The following COL4A4 variants were observed in gnomAD, a reference collection of about 807,000 sequenced individuals.
The protein encoded by COL4A4 is collagen type IV alpha 4 chain, also known as collagen alpha-4(IV) chain.
COL4A4 carries 105 observed loss-of-function variants against 192.9 expected under a neutral mutation model. The observed-to-expected ratio is 0.54, with a 90% CI of 0.46 to 0.64. The LOEUF (loss-of-function observed/expected upper bound fraction) is 0.64. Among genes scored for constraint, COL4A4 ranks in the 30% least tolerant of loss-of-function variants. The pLI is 0.00. For synonymous variants in COL4A4, 762 were observed against 769.9 expected, an observed-to-expected ratio of 0.99 and a Z score of 0.17; for missense variants, 1,967 against 2,169.3, an observed-to-expected ratio of 0.91 and a Z score of 1.85.
chr2:227,038,927 G>A (rs975952653), intron 37 of COL4A4, among the ~76,000 whole-genome samples: 1 of 152,170 alleles, frequency 6.6e-6, no homozygotes, highest in Non-Finnish European at 1.5e-5. Flanking sequence ...TTTGTTTTGT[G>A]TTGTGGTTTT....
At chr2:226,975,665 A>C in the COL4A4 span, among the ~76,000 whole-genome samples, 360 of 152,350 alleles carry the variant, frequency 2.4e-3, 1 homozygote, top group Non-Finnish European at 4.1e-3. Context: ...TTATTTCTAC[A>C]TGCAGAAGGA....
chr2:226,986,945 C>T, the COL4A4 span, among the ~76,000 whole-genome samples: 9 of 152,214 alleles, frequency 5.9e-5, no homozygotes, highest in Middle Eastern at 6.8e-3. Context: ...CATCAGTGAT[C>T]GACTGGATAA....
At chr2:226,972,451 C>G in the COL4A4 span, among the ~76,000 whole-genome samples, 1 of 152,104 alleles carries the variant, frequency 6.6e-6, no homozygotes, top group Non-Finnish European at 1.5e-5. Context: ...CTGCTATGCC[C>G]CCTGGAAAAA....
intron 24 of COL4A4, among the ~76,000 whole-genome samples, chr2:227,080,040 C>G (rs536457249): frequency 6.6e-6 from 1 of 152,106 alleles, no homozygotes; most frequent in Non-Finnish European, 1.5e-5. Flanking sequence ...CTCACTACTT[C>G]CCCCATGTGC....
downstream of COL4A4, among the ~76,000 whole-genome samples, chr2:226,999,900 T>G (rs1443507271): frequency 6.6e-6 from 1 of 152,226 alleles, no homozygotes; most frequent in Non-Finnish European, 1.5e-5. Context: ...CAGGAAGTTG[T>G]GAAATTACTG....
chr2:227,028,571 A>G (rs1967528402), intron 41 of COL4A4, among the ~76,000 whole-genome samples: 1 of 151,920 alleles, frequency 6.6e-6, no homozygotes, highest in African/African-American at 2.4e-5. Context: ...AGGACACTTA[A>G]CTGGATTTAA....
intron 14 of COL4A4, 113 bp downstream of exon 14, chr2:227,103,031 C>CT (rs2060611043): frequency 9.0e-7 from 1 of 1,115,720 alleles, no homozygotes; most frequent in African/African-American, 1.6e-5. Flanking sequence ...GTGAAAAATT[C>CT]TGGTAATATA....
intron 1 of COL4A4, among the ~76,000 whole-genome samples, chr2:227,163,131 A>C (rs994967504): frequency 6.6e-6 from 1 of 152,254 alleles, no homozygotes; most frequent in African/African-American, 2.4e-5. Context: ...AATTCAGGTG[A>C]TCTGTATAGG....
At position 227,105,334 on chromosome 2, in the gene COL4A4, A is replaced by T. The variant is rs115876542; in HGVS notation, c.736-1282T>A. On this transcript the variant is annotated intron_variant, in intron 12 of 47. Coordinates refer to ENST00000396625, the MANE Select transcript of COL4A4 (RefSeq NM_000092.5). ...GCCTCCTGAGTACCTGGGATTACAG[A>T]TAATGCACCATCGTGCCCAGCTAAT... 2.2e-3 allele frequency among the ~76,000 whole-genome samples: 329 copies of T among 151,846 alleles called. 2 individuals carry two copies. Among genetic ancestry groups the T allele is most frequent in the African/African-American group, 7.3e-3 (301 of 41,398 alleles).
intron 38 of COL4A4, among the ~76,000 whole-genome samples, chr2:227,033,048 A>G (rs1433599829): frequency 6.6e-6 from 1 of 152,240 alleles, no homozygotes; most frequent in Non-Finnish European, 1.5e-5. Flanking sequence ...GTGGTCAAAC[A>G]TAGCATTACT....
rs777707226 is a variant in COL4A4 at position 227,056,033 on chromosome 2, T to C, written c.2628A>G (p.Gly876=). Residue 876 remains glycine, a synonymous_variant, in exon 30 of 48, where the codon GGA becomes GGG. Transcript: ENST00000396625. The part of the protein sequence containing the change: ...AGMKGLPGLP[G]RPGAHGPPGL... ...CTGGGGGACCATGTGCCCCAGGCCG[T>C]CCTGGGAGTCCGGGGAGGCCTTTCA... is the stretch of plus-strand genomic sequence containing the variant. The C allele has an allele frequency of 2.5e-6, 4 of 1,613,898 alleles. No individual in the cohort carries two copies. Among genetic ancestry groups the C allele is most frequent in the Non-Finnish European group, 3.4e-6 (4 of 1,179,864 alleles).
At position 227,003,565 on chromosome 2, in the gene COL4A4, G is replaced by A. The variant is rs1409945730; in HGVS notation, c.*3760C>T. On this transcript the variant is annotated 3_prime_UTR_variant, in exon 48 of 48. Transcript: ENST00000396625. Reference sequence around the variant, plus strand: ...AAACACAGATCTAATATAATTTCCTGGAACACACTGAATGGTTTGCTTTAC... The same window carrying A: ...AAACACAGATCTAATATAATTTCCTAGAACACACTGAATGGTTTGCTTTAC... 1 of 152,126 alleles carries A rather than the reference G, an allele frequency of 6.6e-6. No homozygotes were observed. Among genetic ancestry groups the A allele is most frequent in the African/African-American group, 2.4e-5 (1 of 41,426 alleles). 9.4% of individuals were successfully genotyped at this position (152,126 alleles called of 1,614,324 possible). A position where few individuals can be genotyped will look rare whatever the true frequency, so the allele number is the denominator to read the frequency against.
intron 43 of COL4A4, among the ~76,000 whole-genome samples, chr2:227,024,653 C>T (rs1249919289): frequency 6.6e-6 from 1 of 152,228 alleles, no homozygotes; most frequent in African/African-American, 2.4e-5. Flanking sequence ...CTAATACTTA[C>T]TGGGCCTGTG....
chr2:227,082,559 T>G (rs760015639), intron 22 of COL4A4, among the ~76,000 whole-genome samples: 2 of 152,236 alleles, frequency 1.3e-5, no homozygotes, highest in Non-Finnish European at 2.9e-5. Context: ...TGCAACGTCT[T>G]GTGAGTCAAC....
chr2:227,142,357 A>C (rs1307119796), intron 3 of COL4A4, among the ~76,000 whole-genome samples: 1 of 152,236 alleles, frequency 6.6e-6, no homozygotes, highest in African/African-American at 2.4e-5. Context: ...CTGGGAATAC[A>C]TTCACGCTCT....
At chr2:226,994,886 T>C in the COL4A4 span, among the ~76,000 whole-genome samples, 1 of 152,210 alleles carries the variant, frequency 6.6e-6, no homozygotes, top group Non-Finnish European at 1.5e-5. Context: ...CCTACATCTT[T>C]GTTTACCTGC....
intron 35 of COL4A4, among the ~76,000 whole-genome samples, chr2:227,044,439 G>C (rs551744091): frequency 3.9e-5 from 6 of 152,112 alleles, no homozygotes; most frequent in Non-Finnish European, 5.9e-5. Flanking sequence ...ACCATGCTGG[G>C]GGGGCTATAG....
the COL4A4 span, among the ~76,000 whole-genome samples, chr2:226,984,135 C>G: frequency 4.6e-5 from 7 of 152,238 alleles, no homozygotes; most frequent in Admixed American, 3.9e-4. Flanking sequence ...GTTCACCGCT[C>G]TGATCACTGG....
chr2:227,060,101 G>GAACAAAAAA, intron 27 of COL4A4, 35 bp downstream of exon 27: 1 of 503,760 alleles, frequency 2.0e-6, no homozygotes, highest in South Asian at 2.2e-5. Flanking sequence ...TCCCAAAGCA[G>GAACAAAAAA]AAAAAAAAAA....
Sources: allele counts gnomAD v4.1 joint callset (sites outside exome capture counted in the v4.1 genomes callset), GRCh38; gene constraint gnomAD v4.1.1; transcripts MANE v1.5; gene names NCBI Gene and HGNC (gene_info 2026-07-23, HGNC 2026-07-21).